Variants in PPARA observed in about 807,000 individuals in gnomAD.
PPARA encodes peroxisome proliferator activated receptor alpha, also known as peroxisome proliferator-activated receptor alpha.
PPARA carries 22 observed loss-of-function variants against 42.2 expected under a neutral mutation model. The ratio of observed to expected loss-of-function variants is 0.52; its 90% confidence interval spans 0.37 to 0.74. PPARA has a LOEUF of 0.74. PPARA is among the 30% of genes least tolerant of loss of function. The pLI is 0.00. For synonymous variants in PPARA, 242 were observed against 239.3 expected, an observed-to-expected ratio of 1.01 and a Z score of -0.10; for missense variants, 465 against 608.2, an observed-to-expected ratio of 0.76 and a Z score of 2.48.
intron 2 of PPARA, among the ~76,000 whole-genome samples, chr22:46,154,415 C>G (rs1258600987): frequency 6.6e-6 from 1 of 152,008 alleles, no homozygotes; most frequent in Non-Finnish European, 1.5e-5. Flanking sequence ...CCCAGGGCTT[C>G]AAGACCAGCC....
intron 4 of PPARA, among the ~76,000 whole-genome samples, chr22:46,201,523 C>T (rs1395241894): frequency 6.6e-6 from 1 of 152,122 alleles, no homozygotes; most frequent in East Asian, 1.9e-4. Context: ...AAGGAAAAGG[C>T]TCCGTGTCAG....
At position 46,235,445 on chromosome 22, in the gene PPARA, G is replaced by A. The variant is rs1936158667; in HGVS notation, c.*65G>A. On this transcript the variant is annotated 3_prime_UTR_variant, in exon 9 of 9. Transcript: ENST00000407236. This position sits in a 1 kb window ranked among gnomAD's most constrained non-coding sequence, Gnocchi z 7.0. ...AGCTGACAGCACTACAAAGGAGACG[G>A]GGGAGCAGCACGATTTTGCACAAAT... The A allele has an allele frequency of 6.3e-7, 1 of 1,590,846 alleles. No homozygotes were observed. The highest frequency in any genetic ancestry group is 8.6e-7 in the Non-Finnish European group (1 of 1,169,470).
chr22:46,201,894 G>C (rs998239164), intron 4 of PPARA, among the ~76,000 whole-genome samples: 4 of 152,188 alleles, frequency 2.6e-5, no homozygotes, highest in African/African-American at 9.7e-5. Context: ...GATTTGAAAA[G>C]ATTTATCTTG....
Position 46,235,713 on chromosome 22 carries a change from G to T in PPARA, c.*333G>T. ...TTCGTGATTTACCATTTAATTAACT[G>T]GTAACCTCAAAATTCGTGGCCTGTC... On this transcript the variant is annotated 3_prime_UTR_variant, in exon 9 of 9. Transcript: ENST00000407236. The surrounding 1 kb of genome is among the most constrained non-coding windows in gnomAD (Gnocchi z 7.0). 5.8e-6 allele frequency: 2 copies of T among 346,634 alleles called. No homozygotes were observed. The highest frequency in any genetic ancestry group is 1.1e-5 in the Non-Finnish European group (2 of 180,900). The allele number at this position is 346,634 out of a possible 1,614,324, so 21.5% of individuals were successfully genotyped here. A position where few individuals can be genotyped will look rare whatever the true frequency, so the allele number is the denominator to read the frequency against.
At position 46,204,991 on chromosome 22, in the gene PPARA, C is replaced by T. The variant is rs6008089; in HGVS notation, c.208+6400C>T. On this transcript the variant is annotated intron_variant, in intron 4 of 8. Transcript: ENST00000407236. This position sits in a 1 kb window ranked among gnomAD's most constrained non-coding sequence, Gnocchi z 5.2. The stretch of plus-strand genomic sequence containing the variant: ...CAGGAAACCCTCCGACCTCAGCCTC[C>T]CAAGTAGCTGGGACCACAGGTGTGT... 0.036 allele frequency among the ~76,000 whole-genome samples: 5,480 copies of T among 152,030 alleles called. 289 individuals carry two copies. The highest frequency in any genetic ancestry group is 0.11 in the African/African-American group (4,730 of 41,446).
intron 4 of PPARA, among the ~76,000 whole-genome samples, chr22:46,202,475 G>T (rs531040303): frequency 6.6e-6 from 1 of 151,734 alleles, no homozygotes; most frequent in Non-Finnish European, 1.5e-5. Flanking sequence ...CGGTGGTCAC[G>T]TGTGTAATCC....
At position 46,161,180 on chromosome 22, in the gene PPARA, G is replaced by T. The variant is rs578106429; in HGVS notation, c.-127+9210G>T. ...ATAAAAAGAGCTCAAAACCTAGGAA[G>T]TGGATGGAGACTCTTTTTGGAATGA... is the stretch of plus-strand genomic sequence containing the variant. On this transcript the variant is annotated intron_variant, in intron 2 of 8. Coordinates refer to ENST00000407236, the MANE Select transcript of PPARA (RefSeq NM_005036.6). The surrounding 1 kb of genome is among the most constrained non-coding windows in gnomAD (Gnocchi z 4.8). 9.8e-4 allele frequency among the ~76,000 whole-genome samples: 150 copies of T among 152,310 alleles called. No homozygotes were observed. Among genetic ancestry groups the T allele is most frequent in the African/African-American group, 3.6e-3 (148 of 41,572 alleles).
In PPARA at chr22:46,163,191, C is replaced by T. The variant is rs1049971131; in HGVS notation, c.-127+11221C>T. 5 of 152,206 alleles carry T rather than the reference C, an allele frequency of 3.3e-5. No homozygotes were observed. Among genetic ancestry groups the T allele is most frequent in the African/African-American group, 9.7e-5 (4 of 41,440 alleles). 9.4% of individuals were successfully genotyped at this position (152,206 alleles called of 1,614,324 possible). ...TCCAGATGTCGTTGTCTTTAAACTT[C>T]GGAATTTCCTTTCACTAAAGAACCA... On this transcript the variant is annotated intron_variant, in intron 2 of 8. Transcript: ENST00000407236. The surrounding 1 kb of genome is among the most constrained non-coding windows in gnomAD (Gnocchi z 4.9).
intron 2 of PPARA, among the ~76,000 whole-genome samples, chr22:46,172,577 C>G (rs1928263506): frequency 6.6e-6 from 1 of 152,214 alleles, no homozygotes; most frequent in East Asian, 1.9e-4. Context: ...GAGATCGTGC[C>G]ACTGCATTGC....
rs1161696667 is a variant in PPARA at position 46,207,675 on chromosome 22, TTA to T, written c.209-7496_209-7495del. Among the ~76,000 whole-genome samples the T allele has an allele frequency of 7.9e-3, 607 of 77,054 alleles. 10 individuals carry two copies. The highest frequency in any genetic ancestry group is 0.023 in the African/African-American group (306 of 13,086). 50.6% of individuals were successfully genotyped at this position (77,054 alleles called of 152,430 possible). ...ATTATTATTATTATTATTATTATTA[TTA>T]TTTTTTTTTTTTTTTTTTTTTTTAG... is the stretch of plus-strand genomic sequence containing the variant. On this transcript the variant is annotated intron_variant, in intron 4 of 8. Coordinates refer to ENST00000407236, the MANE Select transcript of PPARA (RefSeq NM_005036.6).
Position 46,188,741 on chromosome 22 carries a change from C to T in PPARA, c.-42-9601C>T, listed in dbSNP as rs1163506478. On this transcript the variant is annotated intron_variant, in intron 3 of 8. Coordinates refer to ENST00000407236, the MANE Select transcript of PPARA (RefSeq NM_005036.6). This position sits in a 1 kb window ranked among gnomAD's most constrained non-coding sequence, Gnocchi z 5.0. ...GTGCCAGTGCCACACCCCCCTGTCC[C>T]AGTGCACTGGGGCTGTGGATCCCTT... 2.0e-5 allele frequency: 3 copies of T among 152,224 alleles called. No individual in the cohort carries two copies. The highest frequency in any genetic ancestry group is 4.4e-5 in the Non-Finnish European group (3 of 68,058). The allele number at this position is 152,224 out of a possible 1,614,324, so 9.4% of individuals were successfully genotyped here.
chr22:46,197,323 T>A (rs1932385950), intron 3 of PPARA, among the ~76,000 whole-genome samples: 1 of 152,058 alleles, frequency 6.6e-6, no homozygotes, highest in African/African-American at 2.4e-5. Flanking sequence ...GTGCTGGGAT[T>A]ACAGGTGTGA....
chr22:46,190,800 G>C lies in PPARA; in HGVS notation c.-42-7542G>C, dbSNP rs1931434593. On this transcript the variant is annotated intron_variant, in intron 3 of 8. Coordinates refer to ENST00000407236, the MANE Select transcript of PPARA (RefSeq NM_005036.6). This position sits in a 1 kb window ranked among gnomAD's most constrained non-coding sequence, Gnocchi z 5.6. ...AAATTCAAGCTCAATTCCATTTGTTGGTTGTCTTGAGTGTCTGATCACATA... is the reference window on the plus strand; with the variant it reads ...AAATTCAAGCTCAATTCCATTTGTTCGTTGTCTTGAGTGTCTGATCACATA... Among the ~76,000 whole-genome samples the C allele has an allele frequency of 6.6e-6, 1 of 152,016 alleles. No homozygotes were observed. Among genetic ancestry groups the C allele is most frequent in the African/African-American group, 2.4e-5 (1 of 41,396 alleles).
chr22:46,173,335 G>A lies in PPARA; in HGVS notation c.-126-3418G>A, dbSNP rs193134617. Reference sequence around the variant, plus strand: ...AAAGCCTTGGACACATTTCCAGTTGGCAAGCTGGCAAAATGAAGGGCGTAC... The same window carrying A: ...AAAGCCTTGGACACATTTCCAGTTGACAAGCTGGCAAAATGAAGGGCGTAC... On this transcript the variant is annotated intron_variant, in intron 2 of 8. Coordinates refer to ENST00000407236, the MANE Select transcript of PPARA (RefSeq NM_005036.6). This position sits in a 1 kb window ranked among gnomAD's most constrained non-coding sequence, Gnocchi z 4.3. 1.3e-5 allele frequency among the ~76,000 whole-genome samples: 2 copies of A among 152,188 alleles called. No individual in the cohort carries two copies. The highest frequency in any genetic ancestry group is 2.9e-5 in the Non-Finnish European group (2 of 68,036).
rs1395601009 is a variant in PPARA, at chr22:46,211,920, C to G, written c.209-3253C>G. On this transcript the variant is annotated intron_variant, in intron 4 of 8. Transcript: ENST00000407236. This position sits in a 1 kb window ranked among gnomAD's most constrained non-coding sequence, Gnocchi z 4.1. Reference sequence around the variant, plus strand: ...TGTGGGCCAGGCTGGTCTCGAACTCCTGACCTTGTGATCCACCTACCTCGG... The same window carrying G: ...TGTGGGCCAGGCTGGTCTCGAACTCGTGACCTTGTGATCCACCTACCTCGG... Among the ~76,000 whole-genome samples, 25 of 152,162 alleles carry G rather than the reference C, an allele frequency of 1.6e-4. No individual in the cohort carries two copies. The highest frequency in any genetic ancestry group is 1.6e-3 in the Admixed American group (25 of 15,266).
intron 4 of PPARA, among the ~76,000 whole-genome samples, chr22:46,201,731 T>A (rs1932849699): frequency 6.6e-6 from 1 of 152,092 alleles, no homozygotes; most frequent in Admixed American, 6.6e-5. Flanking sequence ...TCCCAGGACA[T>A]CCTGACGTGC....
At position 46,219,191 on chromosome 22, in the gene PPARA, C is replaced by G. The variant is rs1934790206; in HGVS notation, c.509-621C>G. Reference sequence around the variant, plus strand: ...AAAAAGAAAAAAAAAGAAAAAGTCTCAAATAGCTGAGATTCAGTGGTGCAT... The same window carrying G: ...AAAAAGAAAAAAAAAGAAAAAGTCTGAAATAGCTGAGATTCAGTGGTGCAT... On this transcript the variant is annotated intron_variant, in intron 6 of 8. Coordinates refer to ENST00000407236, the MANE Select transcript of PPARA (RefSeq NM_005036.6). The surrounding 1 kb of genome is among the most constrained non-coding windows in gnomAD (Gnocchi z 4.8). Among the ~76,000 whole-genome samples, 1 of 151,984 alleles carries G rather than the reference C, an allele frequency of 6.6e-6. No individual in the cohort carries two copies. Among genetic ancestry groups the G allele is most frequent in the African/African-American group, 2.4e-5 (1 of 41,396 alleles).
In PPARA at chr22:46,243,176, T is replaced by C. The variant is rs1401083466; in HGVS notation, c.*7796T>C. 1.3e-5 allele frequency: 2 copies of C among 152,234 alleles called. No individual in the cohort carries two copies. The highest frequency in any genetic ancestry group is 4.8e-5 in the African/African-American group (2 of 41,420). The allele number at this position is 152,234 out of a possible 1,614,324, so 9.4% of individuals were successfully genotyped here. ...GGCAAAACTTCTTGGTGCATATTGG[T>C]TACACCCTCTGGGATTCATAATGCC... is the stretch of plus-strand genomic sequence containing the variant. On this transcript the variant is annotated 3_prime_UTR_variant, in exon 9 of 9. Coordinates refer to ENST00000407236, the MANE Select transcript of PPARA (RefSeq NM_005036.6). This position sits in a 1 kb window ranked among gnomAD's most constrained non-coding sequence, Gnocchi z 5.0.
At chr22:46,194,181 A>G (rs866988671) in intron 3 of PPARA, among the ~76,000 whole-genome samples, 48 of 152,160 alleles carry the variant, frequency 3.2e-4, no homozygotes, top group African/African-American at 1.0e-3. Context: ...GGAGCAAGGA[A>G]GGGCCAATTT....
Sources: allele counts gnomAD v4.1 joint callset (sites outside exome capture counted in the v4.1 genomes callset), GRCh38; gene constraint gnomAD v4.1.1; non-coding constraint Gnocchi (gnomAD v3.1); transcripts MANE v1.5; gene names NCBI Gene and HGNC (gene_info 2026-07-23, HGNC 2026-07-21).